The following MRPS6 variants were observed in gnomAD, a reference collection of about 807,000 sequenced individuals.
MRPS6 encodes the protein mitochondrial ribosomal protein S6, also known as small ribosomal subunit protein bS6m.
In MRPS6, 6 loss-of-function variants were observed where a neutral mutation model predicts 13.1. The ratio of observed to expected loss-of-function variants is 0.46; its 90% CI spans 0.25 to 0.91. MRPS6 has a LOEUF of 0.91. MRPS6 is among the 40% of genes least tolerant of loss of function. MRPS6 has a pLI of 0.18. For synonymous variants in MRPS6, 61 were observed against 56.5 expected (o/e 1.08, Z -0.36); for missense variants, 164 against 155.6 (o/e 1.05, Z -0.29).
chr21:34,142,501 T>C lies in MRPS6; in HGVS notation c.279T>C (p.Ile93=). The change falls in exon 3 of 3, where the codon ATT becomes ATC. Residue 93 remains isoleucine, a synonymous_variant. Coordinates refer to ENST00000399312, the MANE Select transcript of MRPS6 (RefSeq NM_032476.4). Reference sequence around the variant, plus strand: ...ATATAGATGTGATTAGAGGGAATATTGTCAAACACCCTCTGACCCAGGAAC... The same window carrying C: ...ATATAGATGTGATTAGAGGGAATATCGTCAAACACCCTCTGACCCAGGAAC... ...SRDIDVIRGN[I]VKHPLTQELK... 1.2e-6 allele frequency: 2 copies of C among 1,613,580 alleles called. No individual in the cohort carries two copies. Among genetic ancestry groups the C allele is most frequent in the African/African-American group, 1.3e-5 (1 of 75,022 alleles).
rs73363336 is a variant in MRPS6, at chr21:34,119,424, T to A, written c.46-5917T>A. 2.5e-3 allele frequency among the ~76,000 whole-genome samples: 376 copies of A among 152,282 alleles called. 2 individuals are homozygous for A. Among genetic ancestry groups the A allele is most frequent in the African/African-American group, 8.4e-3 (350 of 41,552 alleles). ...TTTGAAAATTTAAATTGCAAGGAAA[T>A]TTTTTAAAGGAAGTAAGATTTGGAA... On this transcript the variant is annotated intron_variant, in intron 1 of 2. Coordinates refer to ENST00000399312, the MANE Select transcript of MRPS6 (RefSeq NM_032476.4).
At chr21:34,122,508 C>T (rs1457122782) in intron 1 of MRPS6, 1 of 151,988 alleles carries the variant, frequency 6.6e-6, no homozygotes, top group African/African-American at 2.4e-5. Flanking sequence ...TGTTAGGTAG[C>T]CTTTCCCCTT....
At chr21:34,104,081 A>AT (rs1455033593) in intron 1 of MRPS6, 29 of 999,664 alleles carry the variant, frequency 2.9e-5, no homozygotes, top group South Asian at 2.4e-4. Flanking sequence ...CTTGTCTTTG[A>AT]TTTTTTTTGT....
intron 1 of MRPS6, chr21:34,095,873 T>G (rs377179597): frequency 2.3e-5 from 37 of 1,614,018 alleles, no homozygotes; most frequent in African/African-American, 4.0e-5. Flanking sequence ...CCGATGTCAC[T>G]TCCATCTTAT....
At chr21:34,101,113 A>G in intron 1 of MRPS6, 1 of 1,000,136 alleles carries the variant, frequency 1.0e-6, no homozygotes, top group Non-Finnish European at 1.2e-6. Flanking sequence ...TGCCAGGACA[A>G]AATTTTCCTA....
intron 1 of MRPS6, among the ~76,000 whole-genome samples, chr21:34,082,827 C>G (rs1030799059): frequency 6.6e-6 from 1 of 152,058 alleles, no homozygotes; most frequent in Admixed American, 6.5e-5. Flanking sequence ...TACGTTTTGG[C>G]CCAAGGTGTA....
At chr21:34,099,016 A>G (rs1026154365) in intron 1 of MRPS6, 18 of 990,756 alleles carry the variant, frequency 1.8e-5, no homozygotes, top group South Asian at 9.5e-5. Context: ...TTTGTAGTCT[A>G]TAAACTAGTT....
intron 1 of MRPS6, among the ~76,000 whole-genome samples, chr21:34,076,121 G>A (rs1426222921): frequency 6.6e-6 from 1 of 152,170 alleles, no homozygotes; most frequent in Non-Finnish European, 1.5e-5. Flanking sequence ...GGAAAATGCT[G>A]TGTTAGGCAA....
At chr21:34,138,338 G>C (rs1001708588) in intron 2 of MRPS6, among the ~76,000 whole-genome samples, 4 of 152,068 alleles carry the variant, frequency 2.6e-5, no homozygotes, top group African/African-American at 9.7e-5. Context: ...GCCCATGCCT[G>C]TGTCCTGAAT....
intron 1 of MRPS6, among the ~76,000 whole-genome samples, chr21:34,092,812 C>G (rs1409246307): frequency 6.6e-6 from 1 of 152,184 alleles, no homozygotes. Flanking sequence ...GTGTTTTTCT[C>G]TCCCTTCTTT....
At chr21:34,080,605 A>G (rs1246967733) in intron 1 of MRPS6, among the ~76,000 whole-genome samples, 2 of 152,182 alleles carry the variant, frequency 1.3e-5, no homozygotes, top group African/African-American at 4.8e-5. Context: ...AGTATAATAG[A>G]CTAATCTTTC....
chr21:34,132,542 A>G (rs1201286233), intron 2 of MRPS6, among the ~76,000 whole-genome samples: 3 of 152,230 alleles, frequency 2.0e-5, no homozygotes, highest in Admixed American at 2.0e-4. Context: ...TCCCGAAGCT[A>G]GGAAAGCCCA....
intron 2 of MRPS6, among the ~76,000 whole-genome samples, chr21:34,126,562 A>G (rs1052876228): frequency 6.6e-6 from 1 of 152,238 alleles, no homozygotes; most frequent in African/African-American, 2.4e-5. Context: ...TTCCACAGTC[A>G]TAATAACAAT....
chr21:34,112,996 AAAAC>A (rs1979764394), intron 1 of MRPS6, among the ~76,000 whole-genome samples: 1 of 152,044 alleles, frequency 6.6e-6, no homozygotes, highest in African/African-American at 2.4e-5. Flanking sequence ...GTCTCTATCA[AAAAC>A]AAACAAATGA....
In MRPS6 at chr21:34,104,335, A is replaced by T. The variant is rs1005468063; in HGVS notation, c.46-21006A>T. On this transcript the variant is annotated intron_variant, in intron 1 of 2. Coordinates refer to ENST00000399312, the MANE Select transcript of MRPS6 (RefSeq NM_032476.4). ...TTAATGTGTGTGTAGAAGAAAACGT[A>T]TGTTCTTCTACTCAGCATTGCCCTT... 3 of 998,874 alleles carry T rather than the reference A, an allele frequency of 3.0e-6. No homozygotes were observed. In the African/African-American group the frequency reaches 5.2e-5, roughly 17 times the overall value. 61.9% of individuals were successfully genotyped at this position (998,874 alleles called of 1,614,324 possible).
At chr21:34,135,681 C>T in intron 2 of MRPS6, 1 of 384,132 alleles carries the variant, frequency 2.6e-6, no homozygotes, top group South Asian at 2.3e-5. Context: ...TGGAGTCCTC[C>T]TGGGGACCAC....
At chr21:34,142,036 A>G (rs1335692890) in intron 2 of MRPS6, among the ~76,000 whole-genome samples, 1 of 152,242 alleles carries the variant, frequency 6.6e-6, no homozygotes, top group East Asian at 1.9e-4. Flanking sequence ...TCACACACAC[A>G]CACAACATTA....
At chr21:34,075,465 C>G (rs934620240) in intron 1 of MRPS6, among the ~76,000 whole-genome samples, 4 of 152,024 alleles carry the variant, frequency 2.6e-5, no homozygotes, top group South Asian at 2.1e-4. Context: ...ATTTTTCACT[C>G]TAGTTCAGAT....
In MRPS6 at chr21:34,096,991, T is replaced by G; in HGVS notation, c.45+23246T>G. The G allele has an allele frequency of 6.2e-7, 1 of 1,614,086 alleles. No homozygotes were observed. The highest frequency in any genetic ancestry group is 1.3e-5 in the African/African-American group (1 of 75,038). The stretch of plus-strand genomic sequence containing the variant: ...AAATCTGAAGACAGCATTAAGGGCC[T>G]TCAGCCTGAAGATGTTAATCTGTTG... On this transcript the variant is annotated intron_variant, in intron 1 of 2. Transcript: ENST00000399312. The surrounding 1 kb of genome is among the most constrained non-coding windows in gnomAD (Gnocchi z 5.9).
Sources: allele counts gnomAD v4.1 joint callset (sites outside exome capture counted in the v4.1 genomes callset), GRCh38; gene constraint gnomAD v4.1.1; non-coding constraint Gnocchi (gnomAD v3.1); transcripts MANE v1.5; gene names NCBI Gene and HGNC (gene_info 2026-07-23, HGNC 2026-07-21).